Variants in GFM1 observed in about 807,000 individuals in gnomAD.
The protein encoded by GFM1 is elongation factor G, mitochondrial.
GFM1 carries 62 observed loss-of-function variants against 96.2 expected under a neutral mutation model. The ratio of observed to expected loss-of-function variants is 0.64; its 90% confidence interval spans 0.53 to 0.80. The LOEUF is 0.80. Among genes scored for constraint, GFM1 ranks in the 30% least tolerant of loss-of-function variants. The pLI is 0.00. For missense variants in GFM1, 852 were observed against 916.6 expected, an observed-to-expected ratio of 0.93 and a Z score of 0.91; for synonymous variants, 282 against 312.9, an observed-to-expected ratio of 0.90 and a Z score of 1.04.
At chr3:158,672,069 C>T (rs547650190) in intron 13 of GFM1, among the ~76,000 whole-genome samples, 2 of 152,240 alleles carry the variant, frequency 1.3e-5, no homozygotes, top group African/African-American at 4.8e-5. Context: ...AAAGTGCTGC[C>T]CCTTACCTAG....
At chr3:158,654,940 T>G (rs1029217250) in intron 8 of GFM1, among the ~76,000 whole-genome samples, 1 of 152,224 alleles carries the variant, frequency 6.6e-6, no homozygotes, top group African/African-American at 2.4e-5. Context: ...ATAAATAGTT[T>G]AAGCATTTTA....
At chr3:158,664,720 T>G (rs1263367620) in intron 11 of GFM1, among the ~76,000 whole-genome samples, 1 of 152,208 alleles carries the variant, frequency 6.6e-6, no homozygotes, top group African/African-American at 2.4e-5. Context: ...GTAACCTTAG[T>G]TACATTTGCA....
chr3:158,646,907 C>T lies in GFM1; in HGVS notation c.532C>T (p.Arg178Ter), dbSNP rs1721865059. The T allele has an allele frequency of 1.9e-6, 3 of 1,614,014 alleles. No homozygotes were observed. Among genetic ancestry groups the T allele is most frequent in the South Asian group, 1.1e-5 (1 of 91,054 alleles). Residue 178 changes from arginine to a stop codon, truncating the protein, a stop_gained, in exon 4 of 18, where the codon CGA (arginine) becomes TGA (stop). Transcript: ENST00000486715. LOFTEE classifies it high-confidence loss of function. ...PFLTFINKLD[R>*]MGSNPARALQ... ...TCTAACTTTTATTAACAAATTGGACCGAATGGGCTCCAACCCAGCCAGGGC... is the reference window on the plus strand; with the variant it reads ...TCTAACTTTTATTAACAAATTGGACTGAATGGGCTCCAACCCAGCCAGGGC...
chr3:158,668,834 T>C (rs556253967), intron 13 of GFM1, among the ~76,000 whole-genome samples: 4 of 152,302 alleles, frequency 2.6e-5, no homozygotes, highest in African/African-American at 9.6e-5. Flanking sequence ...CTACAATTCT[T>C]CACCTTCTCT....
At position 158,660,957 on chromosome 3, in the gene GFM1, C is replaced by G. The variant is rs141368418; in HGVS notation, c.1305C>G (p.Ala435=). The change falls in exon 10 of 18, where the codon GCC becomes GCG. Residue 435 remains alanine (A), a synonymous_variant. Coordinates refer to ENST00000486715, the MANE Select transcript of GFM1 (RefSeq NM_024996.7). ...CASGDTFTDK[A]NSGLSMESIH... ...GTGGAGACACATTCACAGACAAAGCCAACAGCGGCCTTTCTATGGTAAGCC... is the reference window on the plus strand; with the variant it reads ...GTGGAGACACATTCACAGACAAAGCGAACAGCGGCCTTTCTATGGTAAGCC... The G allele has an allele frequency of 1.7e-4, 271 of 1,613,266 alleles. No homozygotes were observed. The highest frequency in any genetic ancestry group is 5.2e-4 in the African/African-American group (39 of 74,984).
Position 158,644,701 on chromosome 3 carries a change from T to A in GFM1, c.67T>A (p.Trp23Arg), listed in dbSNP as rs1055907573. 4 of 1,577,566 alleles carry A rather than the reference T, an allele frequency of 2.5e-6. No individual in the cohort carries two copies. The African/African-American group carries it at 5.4e-5, about 21-fold the overall frequency. ...CGGAAGGGCCCCCGCCTCCCTAGGCTGGCAGAGGAAGCAGGTACCGGAGCA... is the reference window on the plus strand; with the variant it reads ...CGGAAGGGCCCCCGCCTCCCTAGGCAGGCAGAGGAAGCAGGTACCGGAGCA... The part of the protein sequence containing the change: ...GRGRAPASLG[W>R]QRKQVNWKAC... Residue 23 changes from tryptophan to arginine, a missense_variant, in exon 1 of 18, where the codon TGG (tryptophan) becomes AGG (arginine). By Grantham distance (101) the Trp-to-Arg change is moderately radical. Transcript: ENST00000486715.
At position 158,692,026 on chromosome 3, in the gene GFM1, T is replaced by C. The variant is rs886058124; in HGVS notation, c.*559T>C. ...TGAATCGCATATATCATGACACTTC[T>C]TGGAGTGTCATTAATGGGCAGGCTT... On this transcript the variant is annotated 3_prime_UTR_variant, in exon 18 of 18. Coordinates refer to ENST00000486715, the MANE Select transcript of GFM1 (RefSeq NM_024996.7). 2 of 153,870 alleles carry C rather than the reference T, an allele frequency of 1.3e-5. No homozygotes were observed. The highest frequency in any genetic ancestry group is 4.8e-5 in the African/African-American group (2 of 41,480). The allele number at this position is 153,870 out of a possible 1,614,324, so 9.5% of individuals were successfully genotyped here.
At chr3:158,668,187 C>T (rs1723899199) in intron 13 of GFM1, among the ~76,000 whole-genome samples, 1 of 152,118 alleles carries the variant, frequency 6.6e-6, no homozygotes, top group Non-Finnish European at 1.5e-5. Flanking sequence ...GCACGGATGC[C>T]CAAGTCTCTG....
At chr3:158,688,845 A>AT (rs1308198508) in intron 15 of GFM1, among the ~76,000 whole-genome samples, 1 of 152,214 alleles carries the variant, frequency 6.6e-6, no homozygotes, top group East Asian at 1.9e-4. Flanking sequence ...GTGAGCTAGG[A>AT]TATGATTTAA....
In GFM1 at chr3:158,694,016, GT is replaced by G. The variant is rs1254051489; in HGVS notation, c.*2560del. Among the ~76,000 whole-genome samples, 2,480 of 145,198 alleles carry G rather than the reference GT, an allele frequency of 0.017. 55 individuals are homozygous for G. The highest frequency in any genetic ancestry group is 0.059 in the African/African-American group (2,355 of 39,982). On this transcript the variant is annotated 3_prime_UTR_variant, in exon 18 of 18. Coordinates refer to ENST00000486715, the MANE Select transcript of GFM1 (RefSeq NM_024996.7). ...AGTTTGGTTTTTTTGTTTAACAACT[GT>G]TTTTTTTTTTAAGAGATGGGGTCTT...
chr3:158,691,787 G>A lies in GFM1; in HGVS notation c.*320G>A, dbSNP rs1239709968. Reference sequence around the variant, plus strand: ...AATTTCAGTTATACTTTTAAGCTTAGAATGTATGTTCATTTCCAAATTTTG... The same window carrying A: ...AATTTCAGTTATACTTTTAAGCTTAAAATGTATGTTCATTTCCAAATTTTG... On this transcript the variant is annotated 3_prime_UTR_variant, in exon 18 of 18. Transcript: ENST00000486715. 4.3e-6 allele frequency: 1 copy of A among 234,854 alleles called. No individual in the cohort carries two copies. Among genetic ancestry groups the A allele is most frequent in the Non-Finnish European group, 8.5e-6 (1 of 118,086 alleles). 14.5% of individuals were successfully genotyped at this position (234,854 alleles called of 1,614,324 possible).
At chr3:158,669,319 G>A in intron 13 of GFM1, 1 of 1,229,734 alleles carries the variant, frequency 8.1e-7, no homozygotes, top group East Asian at 2.5e-5. Flanking sequence ...GAGTATTTTT[G>A]CAAAAGCCTG....
rs1274046829 is a variant in GFM1 at position 158,669,283 on chromosome 3, CTT to C, written c.1601+2902_1601+2903del. The C allele has an allele frequency of 5.0e-6, 6 of 1,200,630 alleles. No homozygotes were observed. In the East Asian group the frequency reaches 1.0e-4, roughly 21 times the overall value. 74.4% of individuals were successfully genotyped at this position (1,200,630 alleles called of 1,614,324 possible). ...TGGATCTATAAAATTTCTGAGGCCTCTTTTTTGTTGGATTGGATTAGAAATGA... is the reference window on the plus strand; with the variant it reads ...TGGATCTATAAAATTTCTGAGGCCTCTTTTGTTGGATTGGATTAGAAATGA... On this transcript the variant is annotated intron_variant, in intron 13 of 17. Transcript: ENST00000486715.
chr3:158,653,451 A>G lies in GFM1; in HGVS notation c.982A>G (p.Ile328Val), dbSNP rs1314347411. Reference protein sequence around the residue: ...PNPSEVQNYAILNKEDDSKEK... With the variant: ...PNPSEVQNYAVLNKEDDSKEK... ...TCCATCTGAAGTCCAGAACTATGCT[A>G]TTCTCAATAAAGAGGAGTAAGTCTT... Residue 328 changes from isoleucine (I) to valine (V), a missense_variant, in exon 7 of 18, where the codon ATT becomes GTT. Transcript: ENST00000486715. 23 of 1,612,702 alleles carry G rather than the reference A, an allele frequency of 1.4e-5. No individual in the cohort carries two copies. Among genetic ancestry groups the G allele is most frequent in the Non-Finnish European group, 2.0e-5 (23 of 1,178,844 alleles).
rs1170965242 is a variant in GFM1, at chr3:158,660,965, G to C, written c.1313G>C (p.Gly438Ala). 6.2e-7 allele frequency: 1 copy of C among 1,613,044 alleles called. No homozygotes were observed. Among genetic ancestry groups the C allele is most frequent in the South Asian group, 1.1e-5 (1 of 91,068 alleles). The change falls in exon 10 of 18, where the codon GGC (glycine) becomes GCC (alanine). Residue 438 changes from glycine (G) to alanine (A), a missense_variant. Coordinates refer to ENST00000486715, the MANE Select transcript of GFM1 (RefSeq NM_024996.7). ...ACATTCACAGACAAAGCCAACAGCG[G>C]CCTTTCTATGGTAAGCCATTTAATT... ...GDTFTDKANS[G>A]LSMESIHVPD...
chr3:158,686,304 A>G (rs1725836565), intron 15 of GFM1, among the ~76,000 whole-genome samples: 1 of 148,124 alleles, frequency 6.8e-6, no homozygotes, highest in Non-Finnish European at 1.5e-5. Context: ...ATATATAAAT[A>G]TATAATATGT....
rs200697129 is a variant in GFM1, at chr3:158,690,324, G to T, written c.2070+1G>T. ...GGACTATTTTACACTGTATGCAGAT[G>T]TAAGTAGTCTTGGTCATTGGCAGTC... On this transcript the variant is annotated splice_donor_variant, in intron 16 of 17. Coordinates refer to ENST00000486715, the MANE Select transcript of GFM1 (RefSeq NM_024996.7). LOFTEE classifies it high-confidence loss of function. 6.2e-7 allele frequency: 1 copy of T among 1,613,396 alleles called. No individual in the cohort carries two copies. Among genetic ancestry groups the T allele is most frequent in the East Asian group, 2.2e-5 (1 of 44,854 alleles).
At chr3:158,672,410 G>A (rs1724422697) in intron 13 of GFM1, 1 of 1,614,094 alleles carries the variant, frequency 6.2e-7, no homozygotes, top group Admixed American at 1.7e-5. Context: ...TCCCCTGCTG[G>A]TAGTTGATGT....
At position 158,652,182 on chromosome 3, in the gene GFM1, A is replaced by T; in HGVS notation, c.776A>T (p.Asn259Ile). 6.2e-7 allele frequency: 1 copy of T among 1,614,150 alleles called. No homozygotes were observed. Among genetic ancestry groups the T allele is most frequent in the African/African-American group, 1.3e-5 (1 of 75,062 alleles). ...CAGGAGCTAATTGAATGTGTTGCCA[A>T]TTCAGATGAACAGCTTGGTGAGATG... ...HRQELIECVANSDEQLGEMFL... is the reference protein window; with the variant it reads ...HRQELIECVAISDEQLGEMFL... The change falls in exon 6 of 18, where the codon AAT becomes ATT. Residue 259 changes from asparagine (N) to isoleucine (I), a missense_variant. Coordinates refer to ENST00000486715, the MANE Select transcript of GFM1 (RefSeq NM_024996.7).
Sources: allele counts gnomAD v4.1 joint callset (sites outside exome capture counted in the v4.1 genomes callset), GRCh38; gene constraint gnomAD v4.1.1; transcripts MANE v1.5; gene names NCBI Gene and HGNC (gene_info 2026-07-23, HGNC 2026-07-21).